The following TRAPPC9 variants were observed in gnomAD, a reference collection of about 807,000 sequenced individuals.
TRAPPC9 encodes trafficking protein particle complex subunit 9.
A neutral mutation model predicts 124.0 loss-of-function variants in TRAPPC9; 83 were observed. The observed-to-expected ratio is 0.67, with a 90% CI of 0.56 to 0.80. The LOEUF is 0.80. Among genes scored for constraint, TRAPPC9 ranks in the 30% least tolerant of loss-of-function variants. The probability of loss-of-function intolerance (pLI) is 0.00; values close to 1 mark genes in which losing one functional copy is unlikely to be tolerated. For missense variants in TRAPPC9, 1,302 were observed against 1,508.3 expected, an observed-to-expected ratio of 0.86 and a Z score of 2.27; for synonymous variants, 638 against 617.5, an observed-to-expected ratio of 1.03 and a Z score of -0.49.
rs146530854 is a variant in TRAPPC9 at position 139,798,267 on chromosome 8, CT to C, written c.3056-66066del. The stretch of plus-strand genomic sequence containing the variant: ...TTTAGTATTTTATTCTTTTCTGCTG[CT>C]ATTGTAGATGGAAGTTTCTTAATAT... On this transcript the variant is annotated intron_variant, in intron 21 of 22. Transcript: ENST00000438773. Among the ~76,000 whole-genome samples, 1,002 of 152,264 alleles carry C rather than the reference CT, an allele frequency of 6.6e-3. 16 individuals are homozygous for C. The highest frequency in any genetic ancestry group is 0.023 in the African/African-American group (960 of 41,550).
At chr8:140,166,366 A>G (rs2061837877) in intron 17 of TRAPPC9, among the ~76,000 whole-genome samples, 2 of 152,154 alleles carry the variant, frequency 1.3e-5, no homozygotes, top group East Asian at 3.9e-4. Context: ...AAATGCAACA[A>G]TGATTGAAAA....
chr8:140,183,955 A>AGGGGAGG (rs1563826150), intron 17 of TRAPPC9, among the ~76,000 whole-genome samples: 1 of 17,010 alleles, frequency 5.9e-5, no homozygotes, highest in African/African-American at 1.7e-4. Flanking sequence ...AGGAGAGGGG[A>AGGGGAGG]GGGGAGGGAG....
chr8:139,968,860 T>C (rs1014015303), intron 19 of TRAPPC9, among the ~76,000 whole-genome samples: 18 of 152,044 alleles, frequency 1.2e-4, no homozygotes, highest in Non-Finnish European at 4.4e-5. Flanking sequence ...CACATGCAAA[T>C]GTGGTGAAGG....
chr8:140,175,786 G>A (rs1194685318), intron 17 of TRAPPC9, among the ~76,000 whole-genome samples: 1 of 152,216 alleles, frequency 6.6e-6, no homozygotes, highest in Non-Finnish European at 1.5e-5. Flanking sequence ...CTTCTGGAAT[G>A]CAGTGAGGAT....
chr8:140,369,426 G>T (rs532382653), intron 8 of TRAPPC9, among the ~76,000 whole-genome samples: 1 of 152,274 alleles, frequency 6.6e-6, no homozygotes, highest in South Asian at 2.1e-4. Context: ...CATGGCATGG[G>T]GGCAGGAGTA....
intron 17 of TRAPPC9, among the ~76,000 whole-genome samples, chr8:140,152,109 AT>A (rs1318685387): frequency 6.6e-6 from 1 of 152,128 alleles, no homozygotes; most frequent in East Asian, 1.9e-4. Context: ...TAGGCTCCCT[AT>A]AAAGAGTAGT....
At chr8:140,151,566 C>T (rs2061544119) in intron 17 of TRAPPC9, among the ~76,000 whole-genome samples, 1 of 152,140 alleles carries the variant, frequency 6.6e-6, no homozygotes, top group Admixed American at 6.5e-5. Context: ...TGTCCCCTTT[C>T]TATGAGGACA....
intron 21 of TRAPPC9, among the ~76,000 whole-genome samples, chr8:139,765,014 C>T (rs1820493673): frequency 6.6e-6 from 1 of 152,180 alleles, no homozygotes; most frequent in African/African-American, 2.4e-5. Context: ...CCACATAAGA[C>T]AATTCATTCT....
upstream of TRAPPC9, chr8:140,458,510 C>T: frequency 6.3e-7 from 1 of 1,582,944 alleles, no homozygotes; most frequent in East Asian, 2.3e-5. Flanking sequence ...CGAGCCCCAG[C>T]CTGGGCCGGC....
intron 17 of TRAPPC9, among the ~76,000 whole-genome samples, chr8:140,069,864 G>T (rs1341730646): frequency 1.3e-5 from 2 of 152,178 alleles, no homozygotes; most frequent in African/African-American, 2.4e-5. Context: ...GAGAACCCTC[G>T]AGGCTGCTGC....
At chr8:140,229,957 A>AT (rs765508942) in intron 16 of TRAPPC9, among the ~76,000 whole-genome samples, 5 of 152,198 alleles carry the variant, frequency 3.3e-5, no homozygotes, top group African/African-American at 4.8e-5. Flanking sequence ...CAGCCCTAAA[A>AT]TCTGAGAGTG....
chr8:139,931,818 C>T (rs990943582), intron 19 of TRAPPC9: 6 of 174,064 alleles, frequency 3.4e-5, no homozygotes, highest in Non-Finnish European at 4.8e-5. Flanking sequence ...AAGGGAAACA[C>T]GAACAAAAGG....
At chr8:140,121,261 C>G (rs766950848) in intron 17 of TRAPPC9, among the ~76,000 whole-genome samples, 3 of 152,190 alleles carry the variant, frequency 2.0e-5, no homozygotes, top group Non-Finnish European at 4.4e-5. Context: ...GTGCAAAGGC[C>G]TGAGACAGAA....
intron 17 of TRAPPC9, among the ~76,000 whole-genome samples, chr8:140,046,398 C>T (rs1268688205): frequency 6.6e-6 from 1 of 152,268 alleles, no homozygotes; most frequent in African/African-American, 2.4e-5. Context: ...ACAGGGCGGG[C>T]AGGCCAAGGG....
At chr8:139,910,412 A>G (rs1831650789) in intron 19 of TRAPPC9, 112 bp from the exon 20 acceptor site, 1 of 1,112,244 alleles carries the variant, frequency 9.0e-7, no homozygotes, top group African/African-American at 1.5e-5. Flanking sequence ...CATTATCGTT[A>G]GTAATTCATA....
intron 19 of TRAPPC9, among the ~76,000 whole-genome samples, chr8:139,917,167 C>CTTTTTTCTTTTTT (rs1832195372): frequency 5.0e-5 from 5 of 99,926 alleles, no homozygotes; most frequent in African/African-American, 1.7e-4. Flanking sequence ...TTATTATTTT[C>CTTTTTTCTTTTTT]TTTTTTTTTT....
At chr8:140,452,419 C>CAAA (rs1161960216) in intron 1 of TRAPPC9, among the ~76,000 whole-genome samples, 4 of 40,210 alleles carry the variant, frequency 9.9e-5, no homozygotes, top group Admixed American at 4.5e-4. Flanking sequence ...GACTGCATCT[C>CAAA]AAAAAAAAAA....
intron 17 of TRAPPC9, among the ~76,000 whole-genome samples, chr8:140,116,855 AAGTAGGCGGAGTTCAGTG>A (rs59168636): frequency 0.07 from 9,850 of 140,244 alleles, 1,354 homozygotes; most frequent in African/African-American, 0.22. Flanking sequence ...GGAGTTCAGT[AAGTAGGCGGAGTTCAGTG>A]AGTAGGCGGA....
intron 21 of TRAPPC9, among the ~76,000 whole-genome samples, chr8:139,817,535 G>A (rs1454410938): frequency 1.3e-5 from 2 of 152,232 alleles, no homozygotes; most frequent in Admixed American, 1.3e-4. Context: ...GCCGCAGCGT[G>A]CCCTCCTGGT....
Sources: gnomAD v4.1 joint callset for allele counts (sites outside exome capture counted in the v4.1 genomes callset) on GRCh38, gnomAD v4.1.1 for gene constraint, MANE v1.5 for transcripts, NCBI Gene and HGNC (gene_info 2026-07-23, HGNC 2026-07-21) for gene names.